The following ZNF91 variants were observed in gnomAD, a reference collection of about 807,000 sequenced individuals.
ZNF91 encodes zinc finger protein 91 (HPF7, HTF10).
In ZNF91, 7 loss-of-function variants were observed where a neutral mutation model predicts 12.6. The observed-to-expected ratio is 0.55, with a 90% confidence interval of 0.31 to 1.04. The LOEUF is 1.04. Among genes scored for constraint, ZNF91 ranks in the 50% least tolerant of loss-of-function variants. ZNF91 has a pLI of 0.05. For synonymous variants in ZNF91, 453 were observed against 462.6 expected, an observed-to-expected ratio of 0.98 and a Z score of 0.27; for missense variants, 1,217 against 1,385.4, an observed-to-expected ratio of 0.88 and a Z score of 1.93.
chr19:23,347,718 C>T (rs1327059626), intron 3 of ZNF91, among the ~76,000 whole-genome samples: 2 of 152,164 alleles, frequency 1.3e-5, no homozygotes, highest in South Asian at 2.1e-4. Flanking sequence ...CCTTTCCAGC[C>T]GTGTTTGAGA....
In ZNF91 at chr19:23,393,580, G is replaced by GA. The variant is rs1234558560; in HGVS notation, c.30+1744dup. On this transcript the variant is annotated intron_variant, in intron 1 of 3. Transcript: ENST00000300619. The stretch of plus-strand genomic sequence containing the variant: ...ATAGCTGCGTCTAGGGAAAATAGAC[G>GA]AAAAAAACGCACAGAGATATTTTAC... 8.6e-5 allele frequency among the ~76,000 whole-genome samples: 13 copies of GA among 151,888 alleles called. No individual in the cohort carries two copies. In the East Asian group the frequency reaches 2.1e-3, roughly 25 times the overall value.
intron 1 of ZNF91, chr19:23,328,384 A>T (rs1967873190): frequency 6.6e-6 from 1 of 152,238 alleles, no homozygotes; most frequent in Non-Finnish European, 1.5e-5. Context: ...GATGTGTGAT[A>T]GAAGGAAAAA....
intron 1 of ZNF91, among the ~76,000 whole-genome samples, chr19:23,374,976 G>A (rs1469455955): frequency 6.6e-6 from 1 of 152,158 alleles, no homozygotes; most frequent in Non-Finnish European, 1.5e-5. Flanking sequence ...CACAATATCA[G>A]TGTATATATG....
At position 23,359,386 on chromosome 19, in the gene ZNF91, C is replaced by T. The variant is rs749727661; in HGVS notation, c.*17G>A. On this transcript the variant is annotated 3_prime_UTR_variant, in exon 4 of 4. Coordinates refer to ENST00000300619, the MANE Select transcript of ZNF91 (RefSeq NM_003430.4). Reference sequence around the variant, plus strand: ...TACAGGCGCCCGCCACCACGCCCGGCTAATTTTTTGTATTTTTTAGTAGAG... The same window carrying T: ...TACAGGCGCCCGCCACCACGCCCGGTTAATTTTTTGTATTTTTTAGTAGAG... The T allele has an allele frequency of 1.1e-6, 1 of 899,778 alleles. No homozygotes were observed. The highest frequency in any genetic ancestry group is 1.7e-6 in the Non-Finnish European group (1 of 591,442). The allele number at this position is 899,778 out of a possible 1,614,324, so 55.7% of individuals were successfully genotyped here.
At position 23,373,838 on chromosome 19, in the gene ZNF91, C is replaced by T. The variant is rs748206589; in HGVS notation, c.158-1G>A. 3 of 1,594,368 alleles carry T rather than the reference C, an allele frequency of 1.9e-6. No individual in the cohort carries two copies. The highest frequency in any genetic ancestry group is 1.8e-5 in the Admixed American group (1 of 56,944). ...AGGTCTGGCTTAGAGAGAGCAATAC[C>T]TGTTTTATTAAAAATAACTAACATG... On this transcript the variant is annotated splice_acceptor_variant, in intron 2 of 3. Coordinates refer to ENST00000300619, the MANE Select transcript of ZNF91 (RefSeq NM_003430.4). LOFTEE classifies it high-confidence loss of function.
chr19:23,358,966 T>C lies in ZNF91; in HGVS notation c.*437A>G. Reference sequence around the variant, plus strand: ...ACACTTGTAAGATTTCTCTCCAATATGAGTTATCTTATCTGTAGTAAGGTG... The same window carrying C: ...ACACTTGTAAGATTTCTCTCCAATACGAGTTATCTTATCTGTAGTAAGGTG... On this transcript the variant is annotated 3_prime_UTR_variant, in exon 4 of 4. Coordinates refer to ENST00000300619, the MANE Select transcript of ZNF91 (RefSeq NM_003430.4). 2.7e-6 allele frequency: 1 copy of C among 371,506 alleles called. No individual in the cohort carries two copies. Among genetic ancestry groups the C allele is most frequent in the Middle Eastern group, 3.8e-4 (1 of 2,626 alleles). 23.0% of individuals were successfully genotyped at this position (371,506 alleles called of 1,614,324 possible). A position where few individuals can be genotyped will look rare whatever the true frequency, so the allele number is the denominator to read the frequency against.
Position 23,359,543 on chromosome 19 carries a change from A to G in ZNF91, c.3436T>C (p.Ser1146Pro). The change falls in exon 4 of 4, where the codon TCT (serine) becomes CCT (proline). Residue 1146 changes from serine to proline, a missense_variant. Ser to Pro is a moderately conservative substitution (Grantham distance 74). Around this residue, in one of 2 missense-constraint regions of ZNF91, gnomAD observed 491 missense variants for 489.8 expected, o/e 1.00. Coordinates refer to ENST00000300619, the MANE Select transcript of ZNF91 (RefSeq NM_003430.4). ...TTCTTATGGTTAGTAAGGATTGAAG[A>G]CTGGTTAAAGGCTTTGCCACATTTT... The part of the protein sequence containing the change: ...CEKCGKAFNQ[S>P]SILTNHKKIH... 1.2e-6 allele frequency: 2 copies of G among 1,613,978 alleles called. No individual in the cohort carries two copies. The highest frequency in any genetic ancestry group is 1.7e-6 in the Non-Finnish European group (2 of 1,179,938).
intron 1 of ZNF91, among the ~76,000 whole-genome samples, chr19:23,388,236 A>C (rs1969941905): frequency 6.6e-6 from 1 of 152,068 alleles, no homozygotes; most frequent in Non-Finnish European, 1.5e-5. Context: ...ACAGAGTGAG[A>C]CCCTGTCTCT....
At position 23,362,730 on chromosome 19, in the gene ZNF91, A is replaced by C; in HGVS notation, c.254-5T>G. 1 of 1,427,908 alleles carries C rather than the reference A, an allele frequency of 7.0e-7. No homozygotes were observed. Among genetic ancestry groups the C allele is most frequent in the Non-Finnish European group, 9.2e-7 (1 of 1,088,808 alleles). 88.5% of individuals were successfully genotyped at this position (1,427,908 alleles called of 1,614,324 possible). A position where few individuals can be genotyped will look rare whatever the true frequency, so the allele number is the denominator to read the frequency against. ...GAGGAAAATGAGGACATATACCTGA[A>C]AAAAAAAAACTAAAAATAATAAATT... On this transcript the variant is annotated splice_region_variant and splice_polypyrimidine_tract_variant and intron_variant, in intron 3 of 3. Transcript: ENST00000300619.
intron 1 of ZNF91, among the ~76,000 whole-genome samples, chr19:23,332,286 C>T (rs1967940838): frequency 6.6e-6 from 1 of 152,138 alleles, no homozygotes; most frequent in African/African-American, 2.4e-5. Context: ...ACCATGATGG[C>T]AGTAAGAGCA....
chr19:23,332,521 T>C (rs1212886708), intron 1 of ZNF91, among the ~76,000 whole-genome samples: 1 of 152,144 alleles, frequency 6.6e-6, no homozygotes, highest in Admixed American at 6.5e-5. Context: ...CCGGACTACC[T>C]ACCATAGAGA....
chr19:23,362,292 C>T lies in ZNF91; in HGVS notation c.687G>A (p.Lys229=). Reference sequence around the variant, plus strand: ...AGGGTTTATCTTCAGTATGAATTTCCTTATGATTAGTAAGGGTTGAGGACC... The same window carrying T: ...AGGGTTTATCTTCAGTATGAATTTCTTTATGATTAGTAAGGGTTGAGGACC... ...FHWSSTLTNH[K]EIHTEDKPYK... Residue 229 remains lysine, a synonymous_variant, in exon 4 of 4, where the codon AAG becomes AAA. Transcript: ENST00000300619. 1.9e-6 allele frequency: 3 copies of T among 1,613,912 alleles called. No homozygotes were observed. The South Asian group carries it at 3.3e-5, about 18-fold the overall frequency.
At chr19:23,376,324 G>A (rs1030977707) in intron 1 of ZNF91, among the ~76,000 whole-genome samples, 2 of 152,020 alleles carry the variant, frequency 1.3e-5, no homozygotes, top group African/African-American at 4.8e-5. Context: ...ATCATGCAGA[G>A]AAGGCTCTGG....
At position 23,361,323 on chromosome 19, in the gene ZNF91, G is replaced by A; in HGVS notation, c.1656C>T (p.Gly552=). 1 of 1,610,126 alleles carries A rather than the reference G, an allele frequency of 6.2e-7. No homozygotes were observed. The highest frequency in any genetic ancestry group is 8.5e-7 in the Non-Finnish European group (1 of 1,178,478). The change falls in exon 4 of 4, where the codon GGC becomes GGT. Residue 552 remains glycine, a synonymous_variant. Coordinates refer to ENST00000300619, the MANE Select transcript of ZNF91 (RefSeq NM_003430.4). ...GGGTTGAGAATTGCTTAAAAGCTTT[G>A]CCACATTCTTTACATTTGTAGGGTT... ...REKPYKCKEC[G]KAFKQFSTLT... is the part of the protein sequence containing the mutation.
chr19:23,369,544 G>A (rs1326187805), intron 3 of ZNF91, among the ~76,000 whole-genome samples: 1 of 152,164 alleles, frequency 6.6e-6, no homozygotes, highest in Non-Finnish European at 1.5e-5. Context: ...TGATGACGAT[G>A]GCAGTTTTGT....
chr19:23,320,758 C>T (rs1298242238), intron 1 of ZNF91, among the ~76,000 whole-genome samples: 1 of 152,164 alleles, frequency 6.6e-6, no homozygotes, highest in African/African-American at 2.4e-5. Context: ...TAACAGAGCC[C>T]AGCTCAAAGG....
At chr19:23,326,017 T>G (rs930582563) in intron 1 of ZNF91, 34 of 152,324 alleles carry the variant, frequency 2.2e-4, no homozygotes, top group African/African-American at 7.9e-4. Flanking sequence ...GTCTTCCACA[T>G]CACTGCCACA....
At chr19:23,328,357 T>C (rs1967872820) in intron 1 of ZNF91, 2 of 152,154 alleles carry the variant, frequency 1.3e-5, no homozygotes, top group African/African-American at 4.8e-5. Flanking sequence ...AAGTAACATT[T>C]GAGCTAATAT....
At chr19:23,322,129 T>C (rs1967709177) in intron 1 of ZNF91, among the ~76,000 whole-genome samples, 2 of 152,170 alleles carry the variant, frequency 1.3e-5, no homozygotes, top group South Asian at 2.1e-4. Context: ...TTGGGGGTGA[T>C]TGTGACATAT....
Sources: allele counts gnomAD v4.1 joint callset (sites outside exome capture counted in the v4.1 genomes callset), GRCh38; gene constraint gnomAD v4.1.1; regional missense constraint gnomAD v4.1.1; transcripts MANE v1.5; gene names NCBI Gene and HGNC (gene_info 2026-07-23, HGNC 2026-07-21).